Variants in ZNF131 observed in about 807,000 individuals in gnomAD.
ZNF131 encodes zinc finger and BTB domain containing 35, also known as zinc finger protein 131.
ZNF131 carries 7 observed loss-of-function variants against 60.0 expected under a neutral mutation model. The ratio of observed to expected loss-of-function variants is 0.12; its 90% CI spans 0.07 to 0.22. The LOEUF (loss-of-function observed/expected upper bound fraction) is 0.22. Ranked by LOEUF, ZNF131 falls within the 10% of genes least tolerant of loss-of-function variation. ZNF131 has a pLI of 1.00. For synonymous variants in ZNF131, 257 were observed against 253.2 expected, an observed-to-expected ratio of 1.01 and a Z score of -0.14; for missense variants, 493 against 740.9, an observed-to-expected ratio of 0.67 and a Z score of 3.88.
rs1332529086 is a variant in ZNF131, at chr5:43,162,968, C to CCTTTTTTTTT, written c.1054+1038_1054+1047dup. 1.7e-3 allele frequency among the ~76,000 whole-genome samples: 94 copies of CCTTTTTTTTT among 54,082 alleles called. 5 individuals carry two copies. Among genetic ancestry groups the CCTTTTTTTTT allele is most frequent in the African/African-American group, 4.6e-3 (88 of 19,218 alleles). The allele number at this position is 54,082 out of a possible 152,430, so 35.5% of individuals were successfully genotyped here. On this transcript the variant is annotated intron_variant, in intron 5 of 6. Coordinates refer to ENST00000682664, the MANE Select transcript of ZNF131 (RefSeq NM_001330707.2). ...GTTTATACTTCTTTTCTTTTATTTG[C>CCTTTTTTTTT]CTTTTTTTTTTTTTTTTTTGGCAGA...
intron 5 of ZNF131, among the ~76,000 whole-genome samples, chr5:43,167,578 G>T (rs1189224985): frequency 6.6e-6 from 1 of 152,096 alleles, no homozygotes; most frequent in East Asian, 1.9e-4. Flanking sequence ...CATAAAGCAT[G>T]CACTGTAATC....
At chr5:43,129,689 C>G (rs1275089635) in intron 3 of ZNF131, among the ~76,000 whole-genome samples, 1 of 152,102 alleles carries the variant, frequency 6.6e-6, no homozygotes, top group Non-Finnish European at 1.5e-5. Context: ...GAGTCTTGCT[C>G]TGTCACCCAG....
Position 43,120,950 on chromosome 5 carries a change from G to C in ZNF131, c.-189G>C, listed in dbSNP as rs920037711. On this transcript the variant is annotated 5_prime_UTR_variant, in exon 1 of 7. Coordinates refer to ENST00000682664, the MANE Select transcript of ZNF131 (RefSeq NM_001330707.2). ...CGCCCGGGTGCCCAACCGAACGCACGTGCGCCAGCGGGGCCCGAGCAGAAG... is the reference window on the plus strand; with the variant it reads ...CGCCCGGGTGCCCAACCGAACGCACCTGCGCCAGCGGGGCCCGAGCAGAAG... 1 of 152,252 alleles carries C rather than the reference G, an allele frequency of 6.6e-6. No individual in the cohort carries two copies. Among genetic ancestry groups the C allele is most frequent in the East Asian group, 1.9e-4 (1 of 5,184 alleles). The allele number at this position is 152,252 out of a possible 1,614,324, so 9.4% of individuals were successfully genotyped here.
At chr5:43,152,588 C>G (rs906528352) in intron 4 of ZNF131, among the ~76,000 whole-genome samples, 1 of 152,158 alleles carries the variant, frequency 6.6e-6, no homozygotes, top group East Asian at 1.9e-4. Flanking sequence ...AGGGGCAGTT[C>G]TGAAAGACAA....
chr5:43,171,924 G>A (rs1278799965), intron 5 of ZNF131, among the ~76,000 whole-genome samples: 1 of 152,002 alleles, frequency 6.6e-6, no homozygotes, highest in Non-Finnish European at 1.5e-5. Flanking sequence ...CGGGCCAGCC[G>A]TTTTATTTTT....
intron 4 of ZNF131, among the ~76,000 whole-genome samples, chr5:43,143,968 A>G (rs114678342): frequency 0.02 from 2,426 of 122,044 alleles, 74 homozygotes; most frequent in African/African-American, 0.073. Flanking sequence ...TGTCCCCAAG[A>G]CTGGAATGCA....
chr5:43,172,733 T>G (rs1751157512), intron 5 of ZNF131, among the ~76,000 whole-genome samples: 1 of 152,042 alleles, frequency 6.6e-6, no homozygotes. Context: ...TGCCTCTTTC[T>G]TTTTTTTCTC....
At chr5:43,172,496 C>T (rs1491001160) in intron 5 of ZNF131, among the ~76,000 whole-genome samples, 1 of 152,090 alleles carries the variant, frequency 6.6e-6, no homozygotes, top group African/African-American at 2.4e-5. Flanking sequence ...CTGGCGCACA[C>T]ATTTGATCCC....
chr5:43,141,777 A>AC lies in ZNF131; in HGVS notation c.371+2468_371+2469insC, dbSNP rs561218620. On this transcript the variant is annotated intron_variant, in intron 4 of 6. Transcript: ENST00000682664. Reference sequence around the variant, plus strand: ...AATGAGACCCTGTCTCAAAAAAAAAAAAAACTGGAATTCCAATAGTACCTA... The same window carrying AC: ...AATGAGACCCTGTCTCAAAAAAAAAACAAAACTGGAATTCCAATAGTACCTA... Among the ~76,000 whole-genome samples, 35 of 152,002 alleles carry AC rather than the reference A, an allele frequency of 2.3e-4. No homozygotes were observed. In the South Asian group the frequency reaches 6.0e-3, roughly 26 times the overall value.
In ZNF131 at chr5:43,122,148, G is replaced by A. The variant is rs773347302; in HGVS notation, c.95G>A (p.Arg32Gln). ...TTGAATGAACAGCGAGAGCAGGACC[G>A]GTTTACTGACATCACCCTAATTGTC... Reference protein sequence around the residue: ...DRLNEQREQDRFTDITLIVDG... With the variant: ...DRLNEQREQDQFTDITLIVDG... The change falls in exon 2 of 7, where the codon CGG (arginine) becomes CAG (glutamine). Residue 32 changes from arginine to glutamine, a missense_variant. Transcript: ENST00000682664. 6.2e-7 allele frequency: 1 copy of A among 1,613,966 alleles called. No homozygotes were observed. Among genetic ancestry groups the A allele is most frequent in the Non-Finnish European group, 8.5e-7 (1 of 1,180,004 alleles).
chr5:43,142,929 C>CA (rs1747046109), intron 4 of ZNF131, among the ~76,000 whole-genome samples: 1 of 151,936 alleles, frequency 6.6e-6, no homozygotes, highest in South Asian at 2.1e-4. Context: ...CTCCTGGGCT[C>CA]AAGAGACGTG....
Position 43,122,047 on chromosome 5 carries a change from G to C in ZNF131, c.-7G>C, listed in dbSNP as rs1025765212. On this transcript the variant is annotated 5_prime_UTR_variant, in exon 2 of 7. Coordinates refer to ENST00000682664, the MANE Select transcript of ZNF131 (RefSeq NM_001330707.2). Reference sequence around the variant, plus strand: ...ATGCTCTTCTTTTGTAGAGCAGCCCGACGGCCATGGAGGCTGAAGAGACGA... The same window carrying C: ...ATGCTCTTCTTTTGTAGAGCAGCCCCACGGCCATGGAGGCTGAAGAGACGA... The C allele has an allele frequency of 6.2e-7, 1 of 1,613,690 alleles. No individual in the cohort carries two copies. The highest frequency in any genetic ancestry group is 8.5e-7 in the Non-Finnish European group (1 of 1,179,892).
At chr5:43,128,067 C>T (rs3797307) in intron 3 of ZNF131, among the ~76,000 whole-genome samples, 14,832 of 152,204 alleles carry the variant, frequency 0.097, 861 homozygotes, top group East Asian at 0.19. Context: ...AATGCTGCTC[C>T]CTTTTACTCC....
At chr5:43,121,810 G>T in intron 1 of ZNF131, 1 of 342,042 alleles carries the variant, frequency 2.9e-6, no homozygotes, top group South Asian at 4.6e-5. Flanking sequence ...TCTAGCTCGC[G>T]TCTCCCGACT....
At chr5:43,136,162 G>T (rs1055699730) in intron 3 of ZNF131, among the ~76,000 whole-genome samples, 3 of 152,170 alleles carry the variant, frequency 2.0e-5, no homozygotes, top group African/African-American at 7.2e-5. Context: ...GCATCAACAT[G>T]ACTCAACGGA....
At position 43,161,634 on chromosome 5, in the gene ZNF131, C is replaced by G; in HGVS notation, c.757C>G (p.Gln253Glu). ...QVEGIEIVEL[Q>E]LSHVKDLFHC... is the part of the protein sequence containing the mutation. ...AGAAGGTATTGAAATTGTGGAACTT[C>G]AGCTGTCACATGTGAAGGACTTGTT... Residue 253 changes from glutamine (Q) to glutamate (E), a missense_variant, in exon 5 of 7, where the codon CAG becomes GAG. Around this residue, in one of 7 missense-constraint regions of ZNF131, gnomAD observed 138 missense variants for 158.7 expected, o/e 0.87. Coordinates refer to ENST00000682664, the MANE Select transcript of ZNF131 (RefSeq NM_001330707.2). The G allele has an allele frequency of 6.2e-7, 1 of 1,614,194 alleles. No individual in the cohort carries two copies. The highest frequency in any genetic ancestry group is 8.5e-7 in the Non-Finnish European group (1 of 1,180,016).
At chr5:43,173,470 C>G (rs750160904) in intron 6 of ZNF131, 22 bp downstream of exon 6, 1 of 1,601,136 alleles carries the variant, frequency 6.2e-7, no homozygotes, top group East Asian at 2.2e-5. Flanking sequence ...TACATACATT[C>G]AGTTCTTAAC....
Position 43,145,248 on chromosome 5 carries a change from A to T in ZNF131, c.371+5939A>T, listed in dbSNP as rs560522299. On this transcript the variant is annotated intron_variant, in intron 4 of 6. Transcript: ENST00000682664. Reference sequence around the variant, plus strand: ...TGGCTTATCCCACTCTGCAAAACAAAAGCCTGGTAGGAGCACTTTTTCTTG... The same window carrying T: ...TGGCTTATCCCACTCTGCAAAACAATAGCCTGGTAGGAGCACTTTTTCTTG... 2.6e-5 allele frequency among the ~76,000 whole-genome samples: 4 copies of T among 152,260 alleles called. No homozygotes were observed. In the East Asian group the frequency reaches 5.8e-4, roughly 22 times the overall value.
At chr5:43,130,984 C>T (rs1745271382) in intron 3 of ZNF131, among the ~76,000 whole-genome samples, 1 of 152,166 alleles carries the variant, frequency 6.6e-6, no homozygotes. Context: ...CTGCCTCAGC[C>T]TCCTGAGTAG....
Sources: gnomAD v4.1 joint callset for allele counts (sites outside exome capture counted in the v4.1 genomes callset) on GRCh38, gnomAD v4.1.1 for gene constraint, gnomAD v4.1.1 regional missense constraint, MANE v1.5 for transcripts, NCBI Gene and HGNC (gene_info 2026-07-23, HGNC 2026-07-21) for gene names.